PLCB1: variants seen among roughly 807,000 people sequenced by gnomAD.
The protein encoded by PLCB1 is phospholipase C beta 1, also known as 1-phosphatidylinositol 4,5-bisphosphate phosphodiesterase beta-1.
Under a neutral mutation model 161.8 loss-of-function variants are expected in PLCB1, and 46 were observed. That is an observed-to-expected ratio of 0.28 (90% CI 0.22 to 0.36). PLCB1 has a LOEUF of 0.36. PLCB1 is among the 10% of genes least tolerant of loss of function. The probability of loss-of-function intolerance (pLI) is 1.00; values close to 1 mark genes in which losing one functional copy is unlikely to be tolerated. For missense variants in PLCB1, 1,016 were observed against 1,472.5 expected (o/e 0.69, Z 5.07); for synonymous variants, 517 against 503.7 (o/e 1.03, Z -0.35).
At chr20:8,452,991 C>T (rs1253568051) in intron 3 of PLCB1, among the ~76,000 whole-genome samples, 1 of 152,230 alleles carries the variant, frequency 6.6e-6, no homozygotes, top group East Asian at 1.9e-4. Flanking sequence ...AATTTCTCCT[C>T]TATTTATTTT....
intron 2 of PLCB1, among the ~76,000 whole-genome samples, chr20:8,269,991 G>A (rs951478192): frequency 2.0e-5 from 3 of 152,070 alleles, no homozygotes; most frequent in Non-Finnish European, 2.9e-5. Flanking sequence ...AGCTGAAAAG[G>A]ACACTTTTCT....
intron 3 of PLCB1, among the ~76,000 whole-genome samples, chr20:8,449,341 G>A (rs537061780): frequency 2.0e-5 from 3 of 152,224 alleles, no homozygotes; most frequent in Admixed American, 2.0e-4. Context: ...TGTAGCAGAC[G>A]CTGGTGATTC....
chr20:8,160,002 A>AG lies in PLCB1; in HGVS notation c.177+9631_177+9632insG, dbSNP rs1388164977. On this transcript the variant is annotated intron_variant, in intron 2 of 31. Coordinates refer to ENST00000338037, the MANE Select transcript of PLCB1 (RefSeq NM_015192.4). ...AAACTCCATCTCAAAAAAAAAAAAAAAAAAAAGAAAAAAAGAAATTTCTTC... is the reference window on the plus strand; with the variant it reads ...AAACTCCATCTCAAAAAAAAAAAAAAGAAAAAAGAAAAAAAGAAATTTCTTC... Among the ~76,000 whole-genome samples the AG allele has an allele frequency of 9.2e-4, 140 of 151,488 alleles. 1 individual carries two copies. The Middle Eastern group carries it at 0.01, about 11-fold the overall frequency.
In PLCB1 at chr20:8,132,841, A is replaced by C; in HGVS notation, c.99+91A>C. Reference sequence around the variant, plus strand: ...GGTGGGGCAAGGGGCGCGTTATGCAATGGGCGCACTGGGAGCGGGCAGGGG... The same window carrying C: ...GGTGGGGCAAGGGGCGCGTTATGCACTGGGCGCACTGGGAGCGGGCAGGGG... On this transcript the variant is annotated intron_variant, in intron 1 of 31. Transcript: ENST00000338037. This position sits in a 1 kb window ranked among gnomAD's most constrained non-coding sequence, Gnocchi z 5.2. 3.5e-6 allele frequency: 3 copies of C among 855,748 alleles called. No homozygotes were observed. Among genetic ancestry groups the C allele is most frequent in the Non-Finnish European group, 5.7e-6 (3 of 527,960 alleles). 53.0% of individuals were successfully genotyped at this position (855,748 alleles called of 1,614,324 possible).
chr20:8,779,962 G>T (rs1983130934), intron 27 of PLCB1, among the ~76,000 whole-genome samples: 1 of 152,118 alleles, frequency 6.6e-6, no homozygotes, highest in African/African-American at 2.4e-5. Flanking sequence ...AATAAAGATG[G>T]AAGTTCCTCC....
intron 31 of PLCB1, among the ~76,000 whole-genome samples, chr20:8,794,043 C>T (rs1964816): frequency 0.65 from 98,579 of 152,032 alleles, 32,169 homozygotes; most frequent in East Asian, 0.85. Flanking sequence ...CTGTTCTGCC[C>T]GGCTCACCAG....
At chr20:8,740,952 C>G (rs556246260) in intron 22 of PLCB1, among the ~76,000 whole-genome samples, 2 of 152,350 alleles carry the variant, frequency 1.3e-5, no homozygotes. Context: ...GCAGCCATAA[C>G]TCATTCCAGC....
At chr20:8,213,044 A>G (rs1467754062) in intron 2 of PLCB1, among the ~76,000 whole-genome samples, 1 of 151,948 alleles carries the variant, frequency 6.6e-6, no homozygotes, top group Non-Finnish European at 1.5e-5. Flanking sequence ...GGTACCTTTG[A>G]GATTGCACAC....
chr20:8,382,720 TG>T (rs953251509), intron 3 of PLCB1, among the ~76,000 whole-genome samples: 22 of 151,942 alleles, frequency 1.4e-4, no homozygotes, highest in Non-Finnish European at 2.6e-4. Context: ...GGCTAATTTT[TG>T]TATTTTTAGT....
intron 31 of PLCB1, among the ~76,000 whole-genome samples, chr20:8,869,583 C>T (rs980317845): frequency 6.6e-6 from 1 of 152,128 alleles, no homozygotes; most frequent in Non-Finnish European, 1.5e-5. Flanking sequence ...GTCAAGGCCA[C>T]AGAACTTAAT....
At chr20:8,732,382 C>T (rs2123498357) in intron 18 of PLCB1, among the ~76,000 whole-genome samples, 1 of 151,800 alleles carries the variant, frequency 6.6e-6, no homozygotes, top group African/African-American at 2.4e-5. Flanking sequence ...TCATTTGTCC[C>T]AGGAATTCCT....
intron 2 of PLCB1, among the ~76,000 whole-genome samples, chr20:8,177,117 C>G (rs1400579998): frequency 1.3e-5 from 2 of 151,704 alleles, no homozygotes; most frequent in Non-Finnish European, 2.9e-5. Flanking sequence ...TTTTGTCCCC[C>G]CAAAAAATCA....
intron 2 of PLCB1, among the ~76,000 whole-genome samples, chr20:8,159,145 G>C (rs1437877566): frequency 2.0e-5 from 3 of 152,196 alleles, no homozygotes; most frequent in Admixed American, 2.0e-4. Context: ...CCAGCAGCAA[G>C]CTTCTGCCTG....
intron 2 of PLCB1, among the ~76,000 whole-genome samples, chr20:8,284,580 G>A (rs1983026034): frequency 6.6e-6 from 1 of 152,058 alleles, no homozygotes; most frequent in Non-Finnish European, 1.5e-5. Context: ...TCTGCAAAAA[G>A]AAAAGAAAAG....
At chr20:8,555,267 G>T (rs1985913249) in intron 3 of PLCB1, among the ~76,000 whole-genome samples, 1 of 151,988 alleles carries the variant, frequency 6.6e-6, no homozygotes, top group African/African-American at 2.4e-5. Context: ...GGGTTGAATG[G>T]GTTTCAAAAG....
chr20:8,802,018 T>A (rs1400061591), intron 31 of PLCB1: 1 of 1,192,116 alleles, frequency 8.4e-7, no homozygotes, highest in African/African-American at 1.5e-5. Context: ...TCAATTTCAT[T>A]GCCACAAAAA....
At chr20:8,547,464 A>C (rs1985595315) in intron 3 of PLCB1, among the ~76,000 whole-genome samples, 1 of 152,202 alleles carries the variant, frequency 6.6e-6, no homozygotes, top group Non-Finnish European at 1.5e-5. Context: ...CTTAGTCTAA[A>C]TAACGTCACC....
chr20:8,740,291 A>G (rs1980804733), intron 21 of PLCB1, 53 bp from the exon 22 acceptor site: 3 of 943,906 alleles, frequency 3.2e-6, no homozygotes. Flanking sequence ...GCATAATTAT[A>G]ACTAACATTG....
chr20:8,878,083 T>TAATA (rs2146332645), intron 31 of PLCB1, among the ~76,000 whole-genome samples: 2 of 152,346 alleles, frequency 1.3e-5, no homozygotes, highest in East Asian at 3.9e-4. Flanking sequence ...CTTCTTTTGT[T>TAATA]AATAATTAAA....
Sources: gnomAD v4.1 joint callset for allele counts (sites outside exome capture counted in the v4.1 genomes callset) on GRCh38, gnomAD v4.1.1 for gene constraint, Gnocchi (gnomAD v3.1) non-coding constraint, MANE v1.5 for transcripts, NCBI Gene and HGNC (gene_info 2026-07-23, HGNC 2026-07-21) for gene names.